Variants in DLG2 observed in about 807,000 individuals in gnomAD.
DLG2 encodes the protein discs large MAGUK scaffold protein 2, also known as disks large homolog 2.
A neutral mutation model predicts 132.5 loss-of-function variants in DLG2; 45 were observed. That is an observed-to-expected ratio of 0.34 (90% CI 0.27 to 0.44). The LOEUF (loss-of-function observed/expected upper bound fraction) is 0.44, where lower values mean the gene tolerates loss of function less well. DLG2 is among the 20% of genes least tolerant of loss of function. The pLI is 1.00. For missense variants in DLG2, 1,045 were observed against 1,196.9 expected (o/e 0.87, Z 1.87); for synonymous variants, 424 against 419.6 (o/e 1.01, Z -0.13).
intron 7 of DLG2, among the ~76,000 whole-genome samples, chr11:84,510,559 T>C (rs1371224095): frequency 6.6e-6 from 1 of 152,114 alleles, no homozygotes; most frequent in Non-Finnish European, 1.5e-5. Flanking sequence ...ATTTGTAAAA[T>C]GAGAATAACA....
At chr11:84,364,347 TG>T (rs775360045) in intron 7 of DLG2, among the ~76,000 whole-genome samples, 36 of 152,212 alleles carry the variant, frequency 2.4e-4, no homozygotes, top group Non-Finnish European at 3.1e-4. Flanking sequence ...TTGTGATTTT[TG>T]TACATTGATT....
At chr11:84,534,150 C>T (rs1280140221) in intron 7 of DLG2, among the ~76,000 whole-genome samples, 1 of 152,114 alleles carries the variant, frequency 6.6e-6, no homozygotes, top group African/African-American at 2.4e-5. Flanking sequence ...ACAATTCACA[C>T]ATTTTCCTTT....
intron 6 of DLG2, among the ~76,000 whole-genome samples, chr11:84,787,587 T>C (rs189659091): frequency 8.9e-4 from 135 of 152,314 alleles, no homozygotes; most frequent in African/African-American, 2.9e-3. Context: ...TCACTTAGTA[T>C]GGCAATTATG....
chr11:84,514,426 A>G (rs2099266426), intron 7 of DLG2, among the ~76,000 whole-genome samples: 1 of 152,086 alleles, frequency 6.6e-6, no homozygotes, highest in Admixed American at 6.6e-5. Context: ...AATAGCTAAG[A>G]TTTGGAAGCA....
At chr11:85,147,930 T>G (rs1283590377) in intron 5 of DLG2, among the ~76,000 whole-genome samples, 2 of 151,314 alleles carry the variant, frequency 1.3e-5, no homozygotes, top group Admixed American at 6.6e-5. Flanking sequence ...CTGGCCCTGG[T>G]GTGTGTTATT....
intron 7 of DLG2, among the ~76,000 whole-genome samples, chr11:84,329,523 T>G (rs1398267880): frequency 6.6e-6 from 1 of 152,206 alleles, no homozygotes; most frequent in Non-Finnish European, 1.5e-5. Flanking sequence ...AAGAAGGGAA[T>G]GCTTGCTTCC....
At chr11:83,595,410 G>C (rs1351532366) in intron 19 of DLG2, among the ~76,000 whole-genome samples, 1 of 152,232 alleles carries the variant, frequency 6.6e-6, no homozygotes, top group Non-Finnish European at 1.5e-5. Context: ...GGCATTAAAT[G>C]AGATAAACAG....
intron 11 of DLG2, among the ~76,000 whole-genome samples, chr11:84,037,571 G>A (rs2095902264): frequency 6.6e-6 from 1 of 151,988 alleles, no homozygotes; most frequent in Admixed American, 6.6e-5. Flanking sequence ...ATTCTTTAAA[G>A]GCTCTAATAA....
At chr11:85,398,181 G>A (rs1470773352) in intron 3 of DLG2, among the ~76,000 whole-genome samples, 1 of 152,094 alleles carries the variant, frequency 6.6e-6, no homozygotes, top group African/African-American at 2.4e-5. Flanking sequence ...AATGACTAGT[G>A]GGTAAATAAC....
chr11:85,417,018 G>T (rs1045337781), intron 3 of DLG2, among the ~76,000 whole-genome samples: 1 of 152,112 alleles, frequency 6.6e-6, no homozygotes, highest in Non-Finnish European at 1.5e-5. Flanking sequence ...CTTGTCGTAT[G>T]CCAGTTTTCA....
intron 9 of DLG2, among the ~76,000 whole-genome samples, chr11:84,137,309 C>A (rs888259498): frequency 6.6e-6 from 1 of 152,074 alleles, no homozygotes; most frequent in Non-Finnish European, 1.5e-5. Flanking sequence ...CTTTTTAAAA[C>A]TCACAACCAT....
chr11:84,755,121 A>ACT, intron 6 of DLG2, among the ~76,000 whole-genome samples: 1 of 152,314 alleles, frequency 6.6e-6, no homozygotes. Flanking sequence ...AACAACACAA[A>ACT]CTTAAAAAAT....
chr11:84,415,276 C>T (rs942322767), intron 7 of DLG2, among the ~76,000 whole-genome samples: 16 of 152,106 alleles, frequency 1.1e-4, no homozygotes, highest in African/African-American at 3.6e-4. Flanking sequence ...TGCTAATTTT[C>T]CTAGAATCAC....
At chr11:85,217,316 T>TCA (rs71895547) in intron 4 of DLG2, among the ~76,000 whole-genome samples, 2,247 of 138,284 alleles carry the variant, frequency 0.016, 38 homozygotes, top group African/African-American at 0.029. Flanking sequence ...TCTCTCTCTC[T>TCA]CTCACACACA....
intron 7 of DLG2, among the ~76,000 whole-genome samples, chr11:84,339,630 T>G (rs1175399600): frequency 6.6e-6 from 1 of 152,078 alleles, no homozygotes; most frequent in African/African-American, 2.4e-5. Context: ...TAAGAAGGAG[T>G]CTGGACTCTG....
chr11:83,622,370 T>C (rs2061771222), intron 19 of DLG2, among the ~76,000 whole-genome samples: 1 of 152,228 alleles, frequency 6.6e-6, no homozygotes, highest in African/African-American at 2.4e-5. Flanking sequence ...GGCATAGAGC[T>C]ATGCTGGCTG....
At chr11:85,292,001 T>C (rs1488414570) in intron 3 of DLG2, among the ~76,000 whole-genome samples, 4 of 152,162 alleles carry the variant, frequency 2.6e-5, no homozygotes, top group Non-Finnish European at 5.9e-5. Context: ...TGAATTCAGC[T>C]GGACAGTATA....
intron 8 of DLG2, among the ~76,000 whole-genome samples, chr11:84,219,881 C>T (rs1408596467): frequency 6.6e-6 from 1 of 152,270 alleles, no homozygotes; most frequent in South Asian, 2.1e-4. Flanking sequence ...TATACATGTA[C>T]TGTAACTTGG....
chr11:84,944,418 T>G (rs945132770), intron 6 of DLG2, among the ~76,000 whole-genome samples: 1 of 152,060 alleles, frequency 6.6e-6, no homozygotes, highest in Non-Finnish European at 1.5e-5. Context: ...CTTCATCATT[T>G]TTTGTTTTTC....
Sources: gnomAD v4.1 joint callset for allele counts (sites outside exome capture counted in the v4.1 genomes callset) on GRCh38, gnomAD v4.1.1 for gene constraint, MANE v1.5 for transcripts, NCBI Gene and HGNC (gene_info 2026-07-23, HGNC 2026-07-21) for gene names.